The following RGS7 variants were observed in gnomAD, a reference collection of about 807,000 sequenced individuals.
RGS7 encodes regulator of G protein signaling 7, also known as regulator of G-protein signaling 7.
In RGS7, 27 loss-of-function variants were observed where a neutral mutation model predicts 81.1. The ratio of observed to expected loss-of-function variants is 0.33; its 90% CI spans 0.25 to 0.46. The LOEUF is 0.46. Among genes scored for constraint, RGS7 ranks in the 20% least tolerant of loss-of-function variants. The probability of loss-of-function intolerance (pLI) is 1.00; values close to 1 mark genes in which losing one functional copy is unlikely to be tolerated. For synonymous variants in RGS7, 208 were observed against 207.7 expected, an observed-to-expected ratio of 1.00 and a Z score of -0.01; for missense variants, 396 against 607.4, an observed-to-expected ratio of 0.65 and a Z score of 3.66.
At chr1:241,240,486 T>G (rs2148134092) in intron 2 of RGS7, among the ~76,000 whole-genome samples, 2 of 152,282 alleles carry the variant, frequency 1.3e-5, no homozygotes, top group South Asian at 4.1e-4. Context: ...TGTAGAAACA[T>G]TACTTGTAAA....
intron 9 of RGS7, among the ~76,000 whole-genome samples, chr1:240,851,242 G>A (rs752270275): frequency 1.6e-4 from 24 of 152,156 alleles, no homozygotes; most frequent in African/African-American, 4.6e-4. Flanking sequence ...TGATCATTCC[G>A]AAAATTCTAG....
chr1:240,965,627 G>C (rs1158236921), intron 4 of RGS7, among the ~76,000 whole-genome samples: 1 of 152,140 alleles, frequency 6.6e-6, no homozygotes, highest in Non-Finnish European at 1.5e-5. Flanking sequence ...GCAGTGTGGA[G>C]GGGCCGTCAG....
chr1:240,852,251 A>C (rs1660239935), intron 9 of RGS7, among the ~76,000 whole-genome samples: 1 of 152,240 alleles, frequency 6.6e-6, no homozygotes. Flanking sequence ...TCCCACAAAC[A>C]AAAAGGTTAC....
chr1:241,346,731 T>G (rs2148720902), intron 2 of RGS7, among the ~76,000 whole-genome samples: 1 of 152,144 alleles, frequency 6.6e-6, no homozygotes, highest in Non-Finnish European at 1.5e-5. Flanking sequence ...TAATAACCAA[T>G]ATGGAAGATT....
intron 2 of RGS7, among the ~76,000 whole-genome samples, chr1:241,170,013 C>T (rs2070609820): frequency 6.6e-6 from 1 of 152,104 alleles, no homozygotes; most frequent in East Asian, 1.9e-4. Flanking sequence ...CTCACAATGA[C>T]TCTGGGATAG....
chr1:240,908,445 C>T (rs1456531582), intron 6 of RGS7, among the ~76,000 whole-genome samples: 1 of 152,168 alleles, frequency 6.6e-6, no homozygotes, highest in Non-Finnish European at 1.5e-5. Context: ...GAACGAATGT[C>T]TTTCCTGTAG....
At chr1:240,972,848 CAAAAAAA>C (rs35291771) in intron 4 of RGS7, among the ~76,000 whole-genome samples, 1,091 of 74,986 alleles carry the variant, frequency 0.015, 15 homozygotes, top group African/African-American at 0.043. Context: ...CCCCGCCTCT[CAAAAAAA>C]AAAAAAAAAA....
intron 2 of RGS7, among the ~76,000 whole-genome samples, chr1:241,206,606 G>T (rs2073901864): frequency 6.6e-6 from 1 of 152,164 alleles, no homozygotes; most frequent in Non-Finnish European, 1.5e-5. Flanking sequence ...GTGAGAAGAT[G>T]GAACTGCCAT....
chr1:240,901,457 T>C (rs891307966), intron 6 of RGS7, among the ~76,000 whole-genome samples: 1 of 152,150 alleles, frequency 6.6e-6, no homozygotes, highest in African/African-American at 2.4e-5. Context: ...AATTACCCAG[T>C]CTCAGGTATT....
chr1:241,196,659 C>G (rs1280064211), intron 2 of RGS7, among the ~76,000 whole-genome samples: 1 of 151,826 alleles, frequency 6.6e-6, no homozygotes, highest in Non-Finnish European at 1.5e-5. Flanking sequence ...TGAAGAGTAA[C>G]TAAAAGGAGT....
chr1:241,106,127 C>A (rs1226859694), intron 2 of RGS7, among the ~76,000 whole-genome samples: 1 of 152,144 alleles, frequency 6.6e-6, no homozygotes, highest in African/African-American at 2.4e-5. Flanking sequence ...TCAGTGAAAA[C>A]AGAGAAAGTA....
At chr1:240,869,290 C>G (rs1664052622) in intron 7 of RGS7, among the ~76,000 whole-genome samples, 2 of 151,904 alleles carry the variant, frequency 1.3e-5, no homozygotes, top group Non-Finnish European at 2.9e-5. Context: ...ACAACCTATT[C>G]CTACACAGTG....
At chr1:241,342,810 G>A (rs1187437861) in intron 2 of RGS7, among the ~76,000 whole-genome samples, 4 of 152,160 alleles carry the variant, frequency 2.6e-5, no homozygotes, top group Admixed American at 2.0e-4. Flanking sequence ...AAATCACAAT[G>A]AGATACCACT....
intron 3 of RGS7, among the ~76,000 whole-genome samples, chr1:240,988,486 C>T (rs931239424): frequency 7.2e-5 from 11 of 152,030 alleles, no homozygotes; most frequent in Non-Finnish European, 1.5e-4. Flanking sequence ...AAGTGATTTG[C>T]TTAAAGCTAG....
At chr1:241,105,743 ATT>A (rs2065052818) in intron 2 of RGS7, among the ~76,000 whole-genome samples, 1 of 152,234 alleles carries the variant, frequency 6.6e-6, no homozygotes, top group African/African-American at 2.4e-5. Context: ...TAGGCAAAAC[ATT>A]TGTTATGAAG....
chr1:241,202,703 C>G (rs2073610725), intron 2 of RGS7, among the ~76,000 whole-genome samples: 1 of 152,132 alleles, frequency 6.6e-6, no homozygotes, highest in South Asian at 2.1e-4. Flanking sequence ...GTGTTATGAC[C>G]TACAGTCAAA....
chr1:241,311,837 A>G (rs926109911), intron 2 of RGS7, among the ~76,000 whole-genome samples: 4 of 152,178 alleles, frequency 2.6e-5, no homozygotes, highest in Non-Finnish European at 5.9e-5. Context: ...GGAAAACAAA[A>G]CCCCAAAATA....
intron 2 of RGS7, among the ~76,000 whole-genome samples, chr1:241,342,642 A>G (rs1199373131): frequency 6.6e-6 from 1 of 152,234 alleles, no homozygotes; most frequent in African/African-American, 2.4e-5. Context: ...TTTTGGTTAG[A>G]CAGAAATCTT....
chr1:240,865,353 A>T (rs1238432154), intron 9 of RGS7, among the ~76,000 whole-genome samples: 1 of 152,194 alleles, frequency 6.6e-6, no homozygotes, highest in Non-Finnish European at 1.5e-5. Context: ...TCTTCTGGTG[A>T]GGGGCGGTAT....
Sources: allele counts gnomAD v4.1 joint callset (sites outside exome capture counted in the v4.1 genomes callset), GRCh38; gene constraint gnomAD v4.1.1; transcripts MANE v1.5; gene names NCBI Gene and HGNC (gene_info 2026-07-23, HGNC 2026-07-21).